Variants in BRSK2 observed in about 807,000 individuals in gnomAD.
The protein encoded by BRSK2 is BR serine/threonine kinase 2, also known as serine/threonine-protein kinase BRSK2.
In BRSK2, 19 loss-of-function variants were observed where a neutral mutation model predicts 83.3. That is an observed-to-expected ratio of 0.23 (90% CI 0.16 to 0.33). The LOEUF is 0.33. BRSK2 is among the 10% of genes least tolerant of loss of function. The probability of loss-of-function intolerance (pLI) is 1.00; values close to 1 mark genes in which losing one functional copy is unlikely to be tolerated. For missense variants in BRSK2, 798 were observed against 1,042.3 expected (o/e 0.77, Z 3.23); for synonymous variants, 519 against 435.4 (o/e 1.19, Z -2.39).
chr11:1,429,639 T>C (rs1284468206), intron 1 of BRSK2, among the ~76,000 whole-genome samples: 1 of 7,848 alleles, frequency 1.3e-4, no homozygotes. Flanking sequence ...AGTGAGCGTC[T>C]TCTGCGGTCT....
At chr11:1,444,908 C>G in intron 8 of BRSK2, 63 bp from the exon 9 acceptor site, 2 of 1,522,778 alleles carry the variant, frequency 1.3e-6, no homozygotes, top group Non-Finnish European at 9.1e-7. Context: ...TCCCCCTCAC[C>G]TCCTAATGTG....
At chr11:1,413,118 T>A (rs1389453854) in intron 1 of BRSK2, among the ~76,000 whole-genome samples, 1 of 152,050 alleles carries the variant, frequency 6.6e-6, no homozygotes, top group African/African-American at 2.4e-5. Context: ...TCTCCCCATC[T>A]CATGGCACCA....
At chr11:1,410,352 G>A (rs1346107265) in intron 1 of BRSK2, 2 of 611,928 alleles carry the variant, frequency 3.3e-6, no homozygotes, top group Admixed American at 1.7e-4. Flanking sequence ...TTGTGACGTC[G>A]GCCTCGCAGA....
chr11:1,415,838 T>A (rs1369764392), intron 1 of BRSK2, among the ~76,000 whole-genome samples: 1 of 152,258 alleles, frequency 6.6e-6, no homozygotes, highest in Non-Finnish European at 1.5e-5. Context: ...TTGCACGGGC[T>A]CCACCACGGC....
chr11:1,460,460 CCTTTTT>C (rs1847311052), intron 19 of BRSK2, 34 bp from the exon 20 acceptor site: 1,187 of 1,119,436 alleles, frequency 1.1e-3, no homozygotes, highest in South Asian at 1.5e-3. Flanking sequence ...TTTCTTTTTT[CCTTTTT>C]TTTTTTTTTT....
intron 1 of BRSK2, among the ~76,000 whole-genome samples, chr11:1,399,964 C>T (rs1214125889): frequency 1.3e-5 from 2 of 152,144 alleles, no homozygotes; most frequent in East Asian, 1.9e-4. Flanking sequence ...CCAGCAACAC[C>T]CCCCACCTCC....
At chr11:1,452,745 C>T (rs1845956047) in intron 15 of BRSK2, among the ~76,000 whole-genome samples, 1 of 152,216 alleles carries the variant, frequency 6.6e-6, no homozygotes, top group East Asian at 1.9e-4. Context: ...CCCACAGCCC[C>T]ACCCAAGGGC....
intron 1 of BRSK2, among the ~76,000 whole-genome samples, chr11:1,396,548 C>A (rs1846134160): frequency 6.6e-6 from 1 of 152,384 alleles, no homozygotes; most frequent in Admixed American, 6.5e-5. Flanking sequence ...TCCCTGGGAA[C>A]AGCCTGAGTG....
intron 12 of BRSK2, chr11:1,447,660 C>A: frequency 2.5e-6 from 2 of 786,358 alleles, no homozygotes; most frequent in South Asian, 1.6e-5. Context: ...TCTGGCCCAG[C>A]CTCCTCTCTC....
In BRSK2 at chr11:1,461,245, G is replaced by C. The variant is rs1200039238; in HGVS notation, c.*522G>C. The stretch of plus-strand genomic sequence containing the variant: ...GAACAGCCTGCCTGGTGGCCTTCTG[G>C]GGCCAGGACCCCTGGTGGGCAACGT... On this transcript the variant is annotated 3_prime_UTR_variant, in exon 20 of 20. Coordinates refer to ENST00000528841, the MANE Select transcript of BRSK2 (RefSeq NM_001256627.2). 3.4e-6 allele frequency: 2 copies of C among 582,084 alleles called. No homozygotes were observed. The highest frequency in any genetic ancestry group is 4.6e-4 in the Middle Eastern group (1 of 2,164). The allele number at this position is 582,084 out of a possible 1,614,324, so 36.1% of individuals were successfully genotyped here. A position where few individuals can be genotyped will look rare whatever the true frequency, so the allele number is the denominator to read the frequency against.
At chr11:1,459,085 C>T in intron 18 of BRSK2, 107 bp from the exon 19 acceptor site, 2 of 1,145,660 alleles carry the variant, frequency 1.7e-6, no homozygotes, top group Non-Finnish European at 2.6e-6. Flanking sequence ...GGGCCCTACC[C>T]ACTCCTGGCT....
intron 1 of BRSK2, among the ~76,000 whole-genome samples, chr11:1,413,959 C>G (rs925654235): frequency 6.6e-6 from 1 of 152,270 alleles, no homozygotes; most frequent in Non-Finnish European, 1.5e-5. Flanking sequence ...ACTGGACACA[C>G]AGCGCCAGCC....
rs1315128779 is a variant in BRSK2, at chr11:1,456,343, C to T, written c.1669-5C>T. ...AGCCACGCTCACGCTGCTCTCTCTC[C>T]ACAGATTCCCAGTCTCAGCCACAGC... On this transcript the variant is annotated splice_polypyrimidine_tract_variant and splice_region_variant and intron_variant, in intron 16 of 19. Transcript: ENST00000528841. 7 of 1,553,972 alleles carry T rather than the reference C, an allele frequency of 4.5e-6. No homozygotes were observed. Among genetic ancestry groups the T allele is most frequent in the African/African-American group, 1.4e-5 (1 of 73,198 alleles).
chr11:1,453,556 A>G (rs1846067980), intron 15 of BRSK2, among the ~76,000 whole-genome samples: 1 of 152,142 alleles, frequency 6.6e-6, no homozygotes, highest in South Asian at 2.1e-4. Context: ...CCGGCAGGAC[A>G]CTGAGGAGGC....
chr11:1,404,290 C>T (rs1311824432), intron 1 of BRSK2, among the ~76,000 whole-genome samples: 1 of 152,204 alleles, frequency 6.6e-6, no homozygotes, highest in African/African-American at 2.4e-5. Context: ...TGTCTCTGGG[C>T]CCCGTGTCCT....
chr11:1,402,277 G>A (rs777630546), intron 1 of BRSK2, among the ~76,000 whole-genome samples: 6 of 152,156 alleles, frequency 3.9e-5, no homozygotes, highest in South Asian at 2.1e-4. Flanking sequence ...CCCCTGGAGC[G>A]CACTCCTGGG....
chr11:1,451,377 C>A lies in BRSK2; in HGVS notation c.1502C>A (p.Thr501Lys). 6.2e-7 allele frequency: 1 copy of A among 1,612,996 alleles called. No homozygotes were observed. Among genetic ancestry groups the A allele is most frequent in the Non-Finnish European group, 8.5e-7 (1 of 1,179,894 alleles). Residue 501 changes from threonine to lysine, a missense_variant, in exon 15 of 20, where the codon ACG (threonine) becomes AAG (lysine). Coordinates refer to ENST00000528841, the MANE Select transcript of BRSK2 (RefSeq NM_001256627.2). ...GTTCATCCTGTGTGCACAGTTCCGA[C>A]GCCGGAGGAGATGTCCAACCTGACA... ...RFHRRKLQVPTPEEMSNLTPE... is the reference protein window; with the variant it reads ...RFHRRKLQVPKPEEMSNLTPE...
At chr11:1,402,629 AG>A (rs113225949) in intron 1 of BRSK2, among the ~76,000 whole-genome samples, 36,993 of 152,108 alleles carry the variant, frequency 0.24, 4,794 homozygotes, top group African/African-American at 0.3. Flanking sequence ...CCCCACACAC[AG>A]GAGAGGGTTC....
At chr11:1,416,440 G>T (rs1848105486) in intron 1 of BRSK2, among the ~76,000 whole-genome samples, 1 of 152,154 alleles carries the variant, frequency 6.6e-6, no homozygotes, top group African/African-American at 2.4e-5. Context: ...CCTTCCCAGT[G>T]CCCGTCACCT....
Sources: gnomAD v4.1 joint callset for allele counts (sites outside exome capture counted in the v4.1 genomes callset) on GRCh38, gnomAD v4.1.1 for gene constraint, MANE v1.5 for transcripts, NCBI Gene and HGNC (gene_info 2026-07-23, HGNC 2026-07-21) for gene names.